The following DOCK5 variants were observed in gnomAD, a reference collection of about 807,000 sequenced individuals.
The protein encoded by DOCK5 is dedicator of cytokinesis 5.
In DOCK5, 142 loss-of-function variants were observed where a neutral mutation model predicts 251.8. That is an observed-to-expected ratio of 0.56 (90% CI 0.49 to 0.65). The LOEUF (loss-of-function observed/expected upper bound fraction) is 0.65, where lower values mean the gene tolerates loss of function less well. DOCK5 is among the 30% of genes least tolerant of loss of function. The pLI, the probability that DOCK5 is intolerant of heterozygous loss-of-function variation, is 0.00. For missense variants in DOCK5, 2,111 were observed against 2,312.3 expected (o/e 0.91, Z 1.79); for synonymous variants, 842 against 835.5 (o/e 1.01, Z -0.13).
At chr8:25,328,457 C>A (rs1805614174) in intron 18 of DOCK5, among the ~76,000 whole-genome samples, 1 of 152,086 alleles carries the variant, frequency 6.6e-6, no homozygotes, top group Admixed American at 6.5e-5. Context: ...CATGCATTTG[C>A]TTTCTTCTGA....
At chr8:25,239,341 A>ATGTGTGTGTGTGTGTG (rs55869213) in intron 1 of DOCK5, among the ~76,000 whole-genome samples, 155 of 142,286 alleles carry the variant, frequency 1.1e-3, no homozygotes, top group African/African-American at 3.7e-3. Context: ...GTGTGTGTGT[A>ATGTGTGTGTGTGTGTG]TGTGTGTGTG....
At chr8:25,382,009 C>A (rs1554503810) in intron 39 of DOCK5, among the ~76,000 whole-genome samples, 3 of 152,100 alleles carry the variant, frequency 2.0e-5, no homozygotes, top group Non-Finnish European at 4.4e-5. Flanking sequence ...TAAAAATGTT[C>A]TTTATTTTAT....
intron 9 of DOCK5, 46 bp downstream of exon 9, chr8:25,300,703 AG>A: frequency 1.3e-6 from 2 of 1,523,526 alleles, no homozygotes; most frequent in Non-Finnish European, 9.0e-7. Context: ...TTGTGATATG[AG>A]CATATTCACA....
chr8:25,370,128 C>T (rs750296778), intron 34 of DOCK5, among the ~76,000 whole-genome samples: 12 of 152,196 alleles, frequency 7.9e-5, no homozygotes, highest in Non-Finnish European at 1.3e-4. Context: ...CACATCTGTA[C>T]CTCTGTCTGG....
chr8:25,397,162 C>T lies in DOCK5; in HGVS notation c.4704+1443C>T, dbSNP rs1435656062. ...GCTTGAACCCGGGAGGTGGAGGCTG[C>T]AGTGAGCCAAGATTGTACCACTGAA... On this transcript the variant is annotated intron_variant, in intron 45 of 51. Transcript: ENST00000276440. 2.0e-5 allele frequency among the ~76,000 whole-genome samples: 3 copies of T among 151,786 alleles called. No homozygotes were observed. In the East Asian group the frequency reaches 5.8e-4, roughly 29 times the overall value.
Position 25,401,055 on chromosome 8 carries a change from G to A in DOCK5, c.4915G>A (p.Val1639Ile), listed in dbSNP as rs750381126. Residue 1639 changes from valine to isoleucine, a missense_variant, in exon 47 of 52, where the codon GTT becomes ATT. Coordinates refer to ENST00000276440, the MANE Select transcript of DOCK5 (RefSeq NM_024940.8). ...LKEKVEKHYG[V>I]ITLPPNLTER... ...GGAGAAAGTAGAAAAGCACTATGGG[G>A]TTATAACACTGGTAAGCATGATCTA... is the stretch of plus-strand genomic sequence containing the variant. 1 of 1,614,000 alleles carries A rather than the reference G, an allele frequency of 6.2e-7. No homozygotes were observed. Among genetic ancestry groups the A allele is most frequent in the Non-Finnish European group, 8.5e-7 (1 of 1,179,872 alleles).
At chr8:25,265,236 G>A (rs143323081) in intron 2 of DOCK5, among the ~76,000 whole-genome samples, 2 of 152,092 alleles carry the variant, frequency 1.3e-5, no homozygotes, top group South Asian at 2.1e-4. Flanking sequence ...TGGTGGTGTG[G>A]ACTAGGCATC....
intron 25 of DOCK5, chr8:25,345,253 C>CTT: frequency 2.6e-6 from 1 of 377,382 alleles, no homozygotes. Context: ...TGAGAAGGGT[C>CTT]ATTTTTTTTT....
At chr8:25,343,551 C>T (rs572010873) in intron 25 of DOCK5, among the ~76,000 whole-genome samples, 1 of 152,064 alleles carries the variant, frequency 6.6e-6, no homozygotes, top group African/African-American at 2.4e-5. Context: ...AAAACAGGAA[C>T]CTCAGGAAGT....
intron 24 of DOCK5, among the ~76,000 whole-genome samples, chr8:25,342,090 G>A (rs576548132): frequency 7.2e-5 from 11 of 152,136 alleles, no homozygotes; most frequent in Non-Finnish European, 1.2e-4. Flanking sequence ...TATCCCAGCA[G>A]TGCAAAGTCA....
intron 2 of DOCK5, among the ~76,000 whole-genome samples, chr8:25,262,571 T>G (rs997811296): frequency 2.0e-5 from 3 of 152,176 alleles, no homozygotes; most frequent in Non-Finnish European, 4.4e-5. Flanking sequence ...GTTTATAAAT[T>G]TAAACATCAA....
chr8:25,196,691 C>A (rs191382993), intron 1 of DOCK5, among the ~76,000 whole-genome samples: 111 of 152,266 alleles, frequency 7.3e-4, no homozygotes, highest in Non-Finnish European at 1.2e-3. Context: ...GGAATCAAAT[C>A]TCATTGTACT....
intron 1 of DOCK5, among the ~76,000 whole-genome samples, chr8:25,208,692 G>A (rs1802060080): frequency 6.6e-6 from 1 of 152,138 alleles, no homozygotes; most frequent in South Asian, 2.1e-4. Flanking sequence ...ATAGGCACAG[G>A]GGAACCGAAA....
chr8:25,329,496 G>A (rs927248094), intron 18 of DOCK5, among the ~76,000 whole-genome samples: 6 of 152,092 alleles, frequency 3.9e-5, no homozygotes, highest in African/African-American at 1.4e-4. Flanking sequence ...CTTGTGTCAC[G>A]TGTGAAATCA....
At chr8:25,337,748 G>C (rs1381859086) in intron 22 of DOCK5, among the ~76,000 whole-genome samples, 2 of 152,024 alleles carry the variant, frequency 1.3e-5, no homozygotes, top group East Asian at 1.9e-4. Context: ...ACCATGCCCA[G>C]CTAATTTTTT....
intron 2 of DOCK5, among the ~76,000 whole-genome samples, chr8:25,260,863 A>T (rs1803559026): frequency 6.6e-6 from 1 of 151,484 alleles, no homozygotes; most frequent in South Asian, 2.1e-4. Context: ...TGGCGCGATC[A>T]TAGCTGACTG....
intron 1 of DOCK5, among the ~76,000 whole-genome samples, chr8:25,200,485 T>C (rs1486830961): frequency 6.6e-6 from 1 of 152,178 alleles, no homozygotes; most frequent in Non-Finnish European, 1.5e-5. Context: ...GAGAGTGGCA[T>C]GTAGTGGTTG....
chr8:25,265,248 G>A (rs1803709048), intron 2 of DOCK5, among the ~76,000 whole-genome samples: 1 of 152,012 alleles, frequency 6.6e-6, no homozygotes, highest in Admixed American at 6.5e-5. Context: ...CTAGGCATCA[G>A]TGTTTGTAAA....
intron 5 of DOCK5, among the ~76,000 whole-genome samples, chr8:25,281,281 A>T (rs2117133680): frequency 6.6e-6 from 1 of 151,990 alleles, no homozygotes; most frequent in African/African-American, 2.4e-5. Context: ...TACAAAAATT[A>T]GCTGGGTGTA....
Sources: allele counts gnomAD v4.1 joint callset (sites outside exome capture counted in the v4.1 genomes callset), GRCh38; gene constraint gnomAD v4.1.1; transcripts MANE v1.5; gene names NCBI Gene and HGNC (gene_info 2026-07-23, HGNC 2026-07-21).